Variants in PRKN observed in about 807,000 individuals in gnomAD.
PRKN encodes E3 ubiquitin-protein ligase parkin.
A neutral mutation model predicts 59.5 loss-of-function variants in PRKN; 56 were observed. The ratio of observed to expected loss-of-function variants is 0.94; its 90% CI spans 0.76 to 1.18. PRKN has a LOEUF of 1.18. Among genes scored for constraint, PRKN ranks in the 50% most tolerant of loss-of-function variants. PRKN has a pLI of 0.00. For missense variants in PRKN, 657 were observed against 596.4 expected (o/e 1.10, Z -1.06); for synonymous variants, 250 against 222.1 (o/e 1.13, Z -1.12).
At chr6:161,900,798 T>C (rs1777880803) in intron 6 of PRKN, among the ~76,000 whole-genome samples, 1 of 139,516 alleles carries the variant, frequency 7.2e-6, no homozygotes, top group African/African-American at 2.6e-5. Context: ...AATATAAATA[T>C]ATAATAAAAT....
At chr6:162,623,451 G>A (rs1470278565) in intron 1 of PRKN, among the ~76,000 whole-genome samples, 1 of 152,064 alleles carries the variant, frequency 6.6e-6, no homozygotes, top group Non-Finnish European at 1.5e-5. Flanking sequence ...ATAATATTTC[G>A]TTTTATTTCC....
rs376343053 is a variant in PRKN at position 161,484,433 on chromosome 6, C to T, written c.1083+64421G>A. On this transcript the variant is annotated intron_variant, in intron 9 of 11. Transcript: ENST00000366898. This position sits in a 1 kb window ranked among gnomAD's most constrained non-coding sequence, Gnocchi z 4.9. ...TAACTAAGATGCACTGGGTACGTTA[C>T]GTGTTAGGGAGCGTCCCAAGTGCTT... Among the ~76,000 whole-genome samples, 1 of 152,080 alleles carries T rather than the reference C, an allele frequency of 6.6e-6. No individual in the cohort carries two copies. Among genetic ancestry groups the T allele is most frequent in the Non-Finnish European group, 1.5e-5 (1 of 68,022 alleles).
intron 5 of PRKN, among the ~76,000 whole-genome samples, chr6:162,047,871 G>C (rs905204430): frequency 6.6e-6 from 1 of 150,558 alleles, no homozygotes; most frequent in African/African-American, 2.5e-5. Flanking sequence ...TCAAACTAAC[G>C]TTCCAGTTGG....
chr6:162,543,433 A>G (rs1192471515), intron 1 of PRKN, among the ~76,000 whole-genome samples: 1 of 151,680 alleles, frequency 6.6e-6, no homozygotes, highest in African/African-American at 2.4e-5. Flanking sequence ...TTTCCCTCCG[A>G]GGCCCTCCCT....
intron 1 of PRKN, among the ~76,000 whole-genome samples, chr6:162,671,073 T>G (rs960919530): frequency 6.6e-6 from 1 of 152,086 alleles, no homozygotes; most frequent in African/African-American, 2.4e-5. Flanking sequence ...ATCTTATCTA[T>G]TTAGAGAAAA....
intron 5 of PRKN, among the ~76,000 whole-genome samples, chr6:161,994,124 C>G (rs557016548): frequency 6.6e-6 from 1 of 151,688 alleles, no homozygotes; most frequent in South Asian, 2.1e-4. Flanking sequence ...AACAAAATAG[C>G]ATATCATGAT....
intron 7 of PRKN, among the ~76,000 whole-genome samples, chr6:161,583,067 C>T (rs1781402844): frequency 6.6e-6 from 1 of 150,500 alleles, no homozygotes; most frequent in Non-Finnish European, 1.5e-5. Context: ...AAAATAGATC[C>T]ATGATTTACT....
intron 2 of PRKN, among the ~76,000 whole-genome samples, chr6:162,342,576 CATTG>C (rs1391120008): frequency 6.6e-6 from 1 of 152,052 alleles, no homozygotes; most frequent in Non-Finnish European, 1.5e-5. Flanking sequence ...GATTTTGACT[CATTG>C]ATTAATTGAC....
intron 6 of PRKN, among the ~76,000 whole-genome samples, chr6:161,875,020 AAG>A (rs1197192012): frequency 4.1e-4 from 45 of 110,380 alleles, no homozygotes; most frequent in Middle Eastern, 4.3e-3. Flanking sequence ...ATTATATATA[AAG>A]TATATAATAT....
chr6:161,762,369 C>G (rs992851886), intron 7 of PRKN, among the ~76,000 whole-genome samples: 11 of 151,992 alleles, frequency 7.2e-5, no homozygotes, highest in African/African-American at 2.7e-4. Flanking sequence ...GAAAGCAAAC[C>G]AAAAAGACAG....
At position 161,457,878 on chromosome 6, in the gene PRKN, T is replaced by C. The variant is rs769524044; in HGVS notation, c.1084-71001A>G. Reference sequence around the variant, plus strand: ...AATAGTGGCCTTCTTTTGTCTTTCCTTTGTAGTTTTTTGGGAAAAGGACGC... The same window carrying C: ...AATAGTGGCCTTCTTTTGTCTTTCCCTTGTAGTTTTTTGGGAAAAGGACGC... On this transcript the variant is annotated intron_variant, in intron 9 of 11. Coordinates refer to ENST00000366898, the MANE Select transcript of PRKN (RefSeq NM_004562.3). The surrounding 1 kb of genome is among the most constrained non-coding windows in gnomAD (Gnocchi z 5.0). 5.3e-5 allele frequency among the ~76,000 whole-genome samples: 8 copies of C among 152,226 alleles called. No homozygotes were observed. The highest frequency in any genetic ancestry group is 1.3e-4 in the Admixed American group (2 of 15,288).
At chr6:161,942,089 G>A (rs757320738) in intron 6 of PRKN, among the ~76,000 whole-genome samples, 2 of 152,026 alleles carry the variant, frequency 1.3e-5, no homozygotes, top group African/African-American at 2.4e-5. Context: ...CTGAAATATG[G>A]CCCTCGAGCT....
rs371266389 is a variant in PRKN at position 161,360,229 on chromosome 6, G to A, written c.1168-24C>T. On this transcript the variant is annotated intron_variant, in intron 10 of 11. Coordinates refer to ENST00000366898, the MANE Select transcript of PRKN (RefSeq NM_004562.3). This position sits in a 1 kb window ranked among gnomAD's most constrained non-coding sequence, Gnocchi z 5.1. ...GCCTGGGGAAACAAAGAGGAAAGGC[G>A]TTTAATCTCAGCTTTCTATTACTGG... is the stretch of plus-strand genomic sequence containing the variant. The A allele has an allele frequency of 6.1e-5, 94 of 1,537,302 alleles. No homozygotes were observed. Among genetic ancestry groups the A allele is most frequent in the South Asian group, 4.0e-4 (36 of 89,636 alleles).
intron 6 of PRKN, among the ~76,000 whole-genome samples, chr6:161,906,377 C>T (rs2128236107): frequency 6.6e-6 from 1 of 152,246 alleles, no homozygotes; most frequent in East Asian, 1.9e-4. Flanking sequence ...ACCTTGCTGA[C>T]ATTTGCCCAG....
At chr6:162,522,156 C>T (rs577169779) in intron 1 of PRKN, among the ~76,000 whole-genome samples, 19 of 152,330 alleles carry the variant, frequency 1.2e-4, no homozygotes, top group Non-Finnish European at 2.8e-4. Context: ...CAAGCTCTGG[C>T]TCTATCACCC....
chr6:162,127,993 A>G (rs886779906), intron 4 of PRKN, among the ~76,000 whole-genome samples: 3 of 152,168 alleles, frequency 2.0e-5, no homozygotes, highest in African/African-American at 7.2e-5. Context: ...TTCTCTTGTT[A>G]AGAATGTTTA....
In PRKN at chr6:161,501,095, G is replaced by A. The variant is rs568210574; in HGVS notation, c.1083+47759C>T. Among the ~76,000 whole-genome samples, 6 of 152,052 alleles carry A rather than the reference G, an allele frequency of 3.9e-5. No homozygotes were observed. In the South Asian group the frequency reaches 6.2e-4, roughly 16 times the overall value. On this transcript the variant is annotated intron_variant, in intron 9 of 11. Coordinates refer to ENST00000366898, the MANE Select transcript of PRKN (RefSeq NM_004562.3). ...TTCACCATATTGCCAGGCTAGTCTC[G>A]AACTCCTGACCTCGTGATCTGCCTG...
At chr6:161,942,982 C>G (rs574591352) in intron 6 of PRKN, among the ~76,000 whole-genome samples, 20 of 152,138 alleles carry the variant, frequency 1.3e-4, no homozygotes, top group Non-Finnish European at 2.4e-4. Context: ...AGAAAGAAAT[C>G]TTTATTCTTA....
In PRKN at chr6:161,588,329, G is replaced by A. The variant is rs1056061395; in HGVS notation, c.872-18913C>T. On this transcript the variant is annotated intron_variant, in intron 7 of 11. Coordinates refer to ENST00000366898, the MANE Select transcript of PRKN (RefSeq NM_004562.3). This position sits in a 1 kb window ranked among gnomAD's most constrained non-coding sequence, Gnocchi z 5.0. ...AGGAGGAGGCAGGTTGTGGTGAGCCGAAGAGGCGCCACTGCATTCCAGCCT... is the reference window on the plus strand; with the variant it reads ...AGGAGGAGGCAGGTTGTGGTGAGCCAAAGAGGCGCCACTGCATTCCAGCCT... Among the ~76,000 whole-genome samples, 4 of 151,868 alleles carry A rather than the reference G, an allele frequency of 2.6e-5. No homozygotes were observed. Among genetic ancestry groups the A allele is most frequent in the East Asian group, 1.9e-4 (1 of 5,142 alleles).
Sources: gnomAD v4.1 joint callset for allele counts (sites outside exome capture counted in the v4.1 genomes callset) on GRCh38, gnomAD v4.1.1 for gene constraint, Gnocchi (gnomAD v3.1) non-coding constraint, MANE v1.5 for transcripts, NCBI Gene and HGNC (gene_info 2026-07-23, HGNC 2026-07-21) for gene names.